TMEM74: variants seen among roughly 807,000 people sequenced by gnomAD.
TMEM74 encodes the protein transmembrane protein 74.
In TMEM74, 13 loss-of-function variants were observed where a neutral mutation model predicts 18.1. That is an observed-to-expected ratio of 0.72 (90% CI 0.47 to 1.14). The LOEUF is 1.14. TMEM74 is among the 50% of genes most tolerant of loss of function. TMEM74 has a pLI of 0.00. For synonymous variants in TMEM74, 159 were observed against 146.6 expected (o/e 1.08, Z -0.61); for missense variants, 372 against 375.9 (o/e 0.99, Z 0.09).
chr8:108,759,460 T>C (rs182362650), intron 1 of TMEM74, among the ~76,000 whole-genome samples: 1 of 152,264 alleles, frequency 6.6e-6, no homozygotes, highest in Admixed American at 6.5e-5. Context: ...ATTGCAGCAA[T>C]GTTTGTAATA....
chr8:108,610,384 A>G (rs997217225), intron 2 of TMEM74, among the ~76,000 whole-genome samples: 2 of 152,218 alleles, frequency 1.3e-5, no homozygotes, highest in Non-Finnish European at 2.9e-5. Flanking sequence ...TAAGTGCTAA[A>G]TATGTTGTGA....
intron 2 of TMEM74, among the ~76,000 whole-genome samples, chr8:108,635,567 A>G (rs1013190642): frequency 6.6e-6 from 1 of 152,054 alleles, no homozygotes; most frequent in African/African-American, 2.4e-5. Flanking sequence ...CCTTTAGACC[A>G]GACAAGACAA....
At chr8:108,657,879 T>TATATATATATAAATTAC (rs1812858320) in intron 1 of TMEM74, among the ~76,000 whole-genome samples, 1 of 82,730 alleles carries the variant, frequency 1.2e-5, no homozygotes, top group East Asian at 4.4e-4. Flanking sequence ...TATATATATA[T>TATATATATATAAATTAC]ATATATATAT....
chr8:108,670,527 C>T (rs1047805172), intron 1 of TMEM74, among the ~76,000 whole-genome samples: 1 of 152,092 alleles, frequency 6.6e-6, no homozygotes, highest in African/African-American at 2.4e-5. Flanking sequence ...ATGTCACTTC[C>T]CCATTATAAA....
chr8:108,731,097 T>C (rs1813690827), intron 1 of TMEM74, among the ~76,000 whole-genome samples: 1 of 152,168 alleles, frequency 6.6e-6, no homozygotes, highest in Admixed American at 6.5e-5. Context: ...CATTCATCTC[T>C]TAAATTTGCC....
At chr8:108,710,216 T>A (rs571992627) in intron 1 of TMEM74, among the ~76,000 whole-genome samples, 1 of 152,380 alleles carries the variant, frequency 6.6e-6, no homozygotes, top group Admixed American at 6.5e-5. Flanking sequence ...TATTCTTACA[T>A]GTTTTTTCTG....
chr8:108,657,898 A>C lies in TMEM74; in HGVS notation n.120-2461T>G, dbSNP rs1248572203. On this transcript the variant is annotated intron_variant and non_coding_transcript_variant, in intron 1 of 3. Transcript: ENST00000518838. ...TATATATATATATATATATATATAT[A>C]TATATTAATTACATATATATATTTC... Among the ~76,000 whole-genome samples, 203 of 122,906 alleles carry C rather than the reference A, an allele frequency of 1.7e-3. 4 individuals are homozygous for C. The highest frequency in any genetic ancestry group is 6.1e-3 in the African/African-American group (195 of 31,888). 80.6% of individuals were successfully genotyped at this position (122,906 alleles called of 152,430 possible).
At chr8:108,716,901 G>C (rs1813528523) in intron 1 of TMEM74, among the ~76,000 whole-genome samples, 1 of 151,770 alleles carries the variant, frequency 6.6e-6, no homozygotes. Flanking sequence ...AAATATTTCA[G>C]AGCATATTAT....
At chr8:108,651,706 G>A (rs1812775978) in intron 2 of TMEM74, among the ~76,000 whole-genome samples, 1 of 151,952 alleles carries the variant, frequency 6.6e-6, no homozygotes, top group African/African-American at 2.4e-5. Context: ...TATCTTCCTG[G>A]TGGTGCCTAG....
chr8:108,638,539 G>A (rs148098496), intron 2 of TMEM74, among the ~76,000 whole-genome samples: 2 of 149,374 alleles, frequency 1.3e-5, no homozygotes, highest in African/African-American at 2.5e-5. Flanking sequence ...CAGTAACTTG[G>A]TGAAATTTCC....
chr8:108,684,473 A>G (rs1184187655), intron 1 of TMEM74, among the ~76,000 whole-genome samples: 1 of 150,624 alleles, frequency 6.6e-6, no homozygotes, highest in Non-Finnish European at 1.5e-5. Flanking sequence ...TTCTTTGCAT[A>G]TTCTGGATAT....
At chr8:108,732,566 G>T (rs906007631) in intron 1 of TMEM74, among the ~76,000 whole-genome samples, 2 of 151,928 alleles carry the variant, frequency 1.3e-5, no homozygotes, top group Admixed American at 6.6e-5. Context: ...ATAGAATCTA[G>T]AAATAGACTC....
At chr8:108,632,774 G>A (rs936560543) in intron 2 of TMEM74, among the ~76,000 whole-genome samples, 1 of 151,982 alleles carries the variant, frequency 6.6e-6, no homozygotes, top group Non-Finnish European at 1.5e-5. Flanking sequence ...TGGTTTCTGA[G>A]TAAGTCAGTA....
chr8:108,698,771 G>C (rs1008824112), intron 1 of TMEM74, among the ~76,000 whole-genome samples: 8 of 152,090 alleles, frequency 5.3e-5, no homozygotes, highest in African/African-American at 1.7e-4. Context: ...TAAAATTAGT[G>C]CTTTCCAAAC....
chr8:108,723,822 A>T (rs769763297), intron 1 of TMEM74, among the ~76,000 whole-genome samples: 2 of 152,228 alleles, frequency 1.3e-5, no homozygotes, highest in Non-Finnish European at 1.5e-5. Context: ...GGCAAGAAAA[A>T]GATGATGTAG....
chr8:108,753,435 A>G (rs1278993506), intron 1 of TMEM74, among the ~76,000 whole-genome samples: 3 of 152,080 alleles, frequency 2.0e-5, no homozygotes, highest in African/African-American at 7.2e-5. Context: ...ATATCTTGCC[A>G]TGCTGTTTTA....
chr8:108,719,891 T>C (rs1813569136), intron 1 of TMEM74, among the ~76,000 whole-genome samples: 1 of 152,168 alleles, frequency 6.6e-6, no homozygotes, highest in Non-Finnish European at 1.5e-5. Flanking sequence ...GTAAACACTG[T>C]TTCGATTTGT....
intron 1 of TMEM74, among the ~76,000 whole-genome samples, chr8:108,715,509 C>A (rs886197897): frequency 6.6e-6 from 1 of 151,780 alleles, no homozygotes; most frequent in African/African-American, 2.4e-5. Flanking sequence ...TTAAAAAAAA[C>A]TGGAGAAGAA....
At chr8:108,683,208 C>A (rs1813132947) in intron 1 of TMEM74, among the ~76,000 whole-genome samples, 1 of 151,618 alleles carries the variant, frequency 6.6e-6, no homozygotes, top group African/African-American at 2.4e-5. Flanking sequence ...TCTATTCAAC[C>A]TTTAAGGAAC....
Sources: gnomAD v4.1 joint callset for allele counts (sites outside exome capture counted in the v4.1 genomes callset) on GRCh38, gnomAD v4.1.1 for gene constraint, MANE v1.5 for transcripts, NCBI Gene and HGNC (gene_info 2026-07-23, HGNC 2026-07-21) for gene names.